The following SPIRE1 variants were observed in gnomAD, a reference collection of about 807,000 sequenced individuals.
The protein encoded by SPIRE1 is spire type actin nucleation factor 1.
A neutral mutation model predicts 94.1 loss-of-function variants in SPIRE1; 40 were observed. That is an observed-to-expected ratio of 0.43 (90% CI 0.33 to 0.55). The LOEUF (loss-of-function observed/expected upper bound fraction) is 0.55, where lower values mean the gene tolerates loss of function less well. Among genes scored for constraint, SPIRE1 ranks in the 20% least tolerant of loss-of-function variants. SPIRE1 has a pLI of 0.06. For synonymous variants in SPIRE1, 376 were observed against 371.7 expected (o/e 1.01, Z -0.13); for missense variants, 838 against 975.2 (o/e 0.86, Z 1.87).
chr18:12,658,055 C>G lies in SPIRE1; in HGVS notation c.-189G>C. On this transcript the variant is annotated 5_prime_UTR_variant, in exon 1 of 17. Coordinates refer to ENST00000409402, the MANE Select transcript of SPIRE1 (RefSeq NM_001128626.2). ...GGGCAAGAGGAGGGCGGCGAGGACACGGCTGCAGTCCCGGTCAGACAGCCG... is the reference window on the plus strand; with the variant it reads ...GGGCAAGAGGAGGGCGGCGAGGACAGGGCTGCAGTCCCGGTCAGACAGCCG... 1.0e-6 allele frequency: 1 copy of G among 991,452 alleles called. No individual in the cohort carries two copies. Among genetic ancestry groups the G allele is most frequent in the Non-Finnish European group, 1.2e-6 (1 of 834,950 alleles). The allele number at this position is 991,452 out of a possible 1,614,324, so 61.4% of individuals were successfully genotyped here.
chr18:12,659,376 A>G (rs2038648112), upstream of SPIRE1, among the ~76,000 whole-genome samples: 1 of 152,152 alleles, frequency 6.6e-6, no homozygotes, highest in Non-Finnish European at 1.5e-5. Context: ...AAATTAAGAA[A>G]TTGAAAGAGG....
intron 2 of SPIRE1, among the ~76,000 whole-genome samples, chr18:12,554,973 G>A (rs1254473623): frequency 6.6e-6 from 1 of 152,114 alleles, no homozygotes; most frequent in African/African-American, 2.4e-5. Context: ...CACTGCACCT[G>A]GACAATGAGA....
intron 2 of SPIRE1, among the ~76,000 whole-genome samples, chr18:12,557,210 G>T (rs527886784): frequency 5.7e-4 from 86 of 152,190 alleles, no homozygotes; most frequent in Non-Finnish European, 1.0e-3. Flanking sequence ...GGCGCCCGTC[G>T]GGGAGGCTTG....
chr18:12,621,220 G>C, intron 2 of SPIRE1, among the ~76,000 whole-genome samples: 1 of 152,134 alleles, frequency 6.6e-6, no homozygotes, highest in African/African-American at 2.4e-5. Flanking sequence ...CAAGAAGTCA[G>C]ATAATAACAA....
At chr18:12,479,677 G>A in intron 10 of SPIRE1, 22 bp downstream of exon 10, 1 of 1,579,042 alleles carries the variant, frequency 6.3e-7, no homozygotes, top group Non-Finnish European at 8.6e-7. Flanking sequence ...TGGGAGTCAA[G>A]CTGGGTGAAC....
chr18:12,558,130 C>T (rs1024482755), intron 2 of SPIRE1, among the ~76,000 whole-genome samples: 1 of 152,096 alleles, frequency 6.6e-6, no homozygotes, highest in African/African-American at 2.4e-5. Flanking sequence ...AGCCGCGGAC[C>T]CTTGCAGTGT....
At chr18:12,481,967 C>T (rs529564856) in intron 9 of SPIRE1, among the ~76,000 whole-genome samples, 5 of 152,192 alleles carry the variant, frequency 3.3e-5, no homozygotes, top group Admixed American at 1.3e-4. Context: ...CAGAGGCTCC[C>T]ACCGCTGACC....
upstream of SPIRE1, chr18:12,658,292 A>G (rs2038621430): frequency 2.2e-6 from 1 of 445,246 alleles, no homozygotes; most frequent in Non-Finnish European, 4.4e-6. Context: ...GCAGGCGGTG[A>G]CGCCCGGTCG....
rs561166185 is a variant in SPIRE1 at position 12,504,244 on chromosome 18, C to T, written c.972+2233G>A. On this transcript the variant is annotated intron_variant, in intron 6 of 16. Transcript: ENST00000409402. ...TGACGTGGCTGGGCATGGTGGCTCA[C>T]GCCTGTAATCCTAGCACTTTGGGAG... is the stretch of plus-strand genomic sequence containing the variant. 2.0e-4 allele frequency among the ~76,000 whole-genome samples: 30 copies of T among 147,572 alleles called. 1 individual carries two copies. The highest frequency in any genetic ancestry group is 3.4e-3 in the Middle Eastern group (1 of 290).
chr18:12,512,435 A>G lies in SPIRE1; in HGVS notation c.807+19T>C. 6.3e-7 allele frequency: 1 copy of G among 1,578,968 alleles called. No individual in the cohort carries two copies. Among genetic ancestry groups the G allele is most frequent in the Non-Finnish European group, 8.7e-7 (1 of 1,150,908 alleles). ...TTTCTTAGACAGTAAACAGATCAGA[A>G]AGCATTTCCAGCTCTTACCCAGTCA... On this transcript the variant is annotated intron_variant, in intron 5 of 16. Transcript: ENST00000409402.
intron 2 of SPIRE1, among the ~76,000 whole-genome samples, chr18:12,566,843 C>T (rs1173098062): frequency 6.6e-6 from 1 of 152,060 alleles, no homozygotes; most frequent in Non-Finnish European, 1.5e-5. Context: ...TCTAATTCAT[C>T]CTATGAGGCC....
At chr18:12,590,112 A>C (rs931993316) in intron 2 of SPIRE1, among the ~76,000 whole-genome samples, 1 of 143,606 alleles carries the variant, frequency 7.0e-6, no homozygotes, top group African/African-American at 2.6e-5. Context: ...TTTGAGACGG[A>C]GTTTCACTCT....
intron 3 of SPIRE1, among the ~76,000 whole-genome samples, chr18:12,539,587 G>GCACACACACACACA (rs57030414): frequency 2.2e-5 from 3 of 139,014 alleles, no homozygotes; most frequent in African/African-American, 5.2e-5. Flanking sequence ...ACACACACAC[G>GCACACACACACACA]CACACACACA....
At position 12,589,441 on chromosome 18, in the gene SPIRE1, G is replaced by A. The variant is rs370821135; in HGVS notation, c.373-42537C>T. On this transcript the variant is annotated intron_variant, in intron 2 of 16. Coordinates refer to ENST00000409402, the MANE Select transcript of SPIRE1 (RefSeq NM_001128626.2). ...CGCCCACTCTGCCAGGGTGTCCGGT[G>A]GAGAAAGCAGGCATACTCTTTCTAT... Among the ~76,000 whole-genome samples the A allele has an allele frequency of 7.1e-4, 108 of 152,228 alleles. 1 individual carries two copies. Among genetic ancestry groups the A allele is most frequent in the African/African-American group, 2.5e-3 (103 of 41,538 alleles).
intron 1 of SPIRE1, among the ~76,000 whole-genome samples, chr18:12,639,459 C>T (rs543220799): frequency 5.3e-5 from 8 of 152,232 alleles, no homozygotes; most frequent in African/African-American, 1.2e-4. Context: ...TGCGGCCAGG[C>T]GCAGTGGCTC....
chr18:12,565,171 A>G (rs577936300), intron 2 of SPIRE1, among the ~76,000 whole-genome samples: 1 of 152,294 alleles, frequency 6.6e-6, no homozygotes, highest in Admixed American at 6.5e-5. Flanking sequence ...AAAAATTCTT[A>G]AAGAAGTTAA....
intron 2 of SPIRE1, among the ~76,000 whole-genome samples, chr18:12,551,862 C>A (rs1396212385): frequency 6.6e-6 from 1 of 152,144 alleles, no homozygotes; most frequent in Non-Finnish European, 1.5e-5. Context: ...TAACTTCAGA[C>A]CACCGAAAGA....
At chr18:12,588,066 T>C (rs1044179235) in intron 2 of SPIRE1, among the ~76,000 whole-genome samples, 2 of 152,214 alleles carry the variant, frequency 1.3e-5, no homozygotes, top group Admixed American at 6.5e-5. Context: ...TTCTGGGCCA[T>C]GTCATATAAT....
intron 10 of SPIRE1, among the ~76,000 whole-genome samples, chr18:12,470,131 G>A (rs2032293496): frequency 6.6e-6 from 1 of 151,944 alleles, no homozygotes; most frequent in African/African-American, 2.4e-5. Flanking sequence ...ATTTGTTGTA[G>A]AGACGGGGTC....
Sources: allele counts gnomAD v4.1 joint callset (sites outside exome capture counted in the v4.1 genomes callset), GRCh38; gene constraint gnomAD v4.1.1; transcripts MANE v1.5; gene names NCBI Gene and HGNC (gene_info 2026-07-23, HGNC 2026-07-21).